Variants in IFT80 observed in about 807,000 individuals in gnomAD.
IFT80 encodes intraflagellar transport protein 80 homolog.
IFT80 carries 79 observed loss-of-function variants against 107.9 expected under a neutral mutation model. That is an observed-to-expected ratio of 0.73 (90% CI 0.61 to 0.88). IFT80 has a LOEUF of 0.88. IFT80 is among the 40% of genes least tolerant of loss of function. IFT80 has a pLI of 0.00. For synonymous variants in IFT80, 299 were observed against 300.9 expected (o/e 0.99, Z 0.07); for missense variants, 797 against 914.2 (o/e 0.87, Z 1.65).
chr3:160,327,955 T>C (rs1718793692), intron 8 of IFT80, among the ~76,000 whole-genome samples: 1 of 152,170 alleles, frequency 6.6e-6, no homozygotes, highest in Non-Finnish European at 1.5e-5. Context: ...AAAGGTCTAA[T>C]ATACAGCATC....
At chr3:160,284,954 T>A (rs1354118636) in intron 13 of IFT80, among the ~76,000 whole-genome samples, 1 of 152,148 alleles carries the variant, frequency 6.6e-6, no homozygotes, top group African/African-American at 2.4e-5. Flanking sequence ...GGCACTACAG[T>A]GATGAATAAT....
chr3:160,263,834 G>A (rs551623328), intron 19 of IFT80, among the ~76,000 whole-genome samples: 3 of 151,918 alleles, frequency 2.0e-5, no homozygotes, highest in Admixed American at 6.6e-5. Context: ...ATGCCACCAC[G>A]CCTGCTAATT....
At chr3:160,393,956 G>A (rs1576913616) in intron 1 of IFT80, among the ~76,000 whole-genome samples, 1 of 152,116 alleles carries the variant, frequency 6.6e-6, no homozygotes, top group East Asian at 1.9e-4. Flanking sequence ...ACTAACCAAG[G>A]TCCTATTAAA....
chr3:160,268,671 T>G, intron 18 of IFT80, 135 bp from the exon 19 acceptor site: 2 of 853,748 alleles, frequency 2.3e-6, no homozygotes, highest in Non-Finnish European at 3.8e-6. Context: ...ATTTTCTACC[T>G]CATCCATCTT....
At chr3:160,292,846 G>A (rs987720035) in intron 12 of IFT80, among the ~76,000 whole-genome samples, 2 of 152,004 alleles carry the variant, frequency 1.3e-5, no homozygotes, top group African/African-American at 4.8e-5. Context: ...CTGACACCAC[G>A]GTCCCAAGAC....
chr3:160,329,746 T>C (rs1718948693), intron 8 of IFT80, among the ~76,000 whole-genome samples: 1 of 152,184 alleles, frequency 6.6e-6, no homozygotes, highest in South Asian at 2.1e-4. Context: ...AATACACAGG[T>C]TTCCCTGTTT....
At chr3:160,268,903 T>C in intron 18 of IFT80, 2 of 259,326 alleles carry the variant, frequency 7.7e-6, no homozygotes, top group South Asian at 9.6e-5. Context: ...TGGTGAGTAA[T>C]ACAGAGTACA....
intron 4 of IFT80, among the ~76,000 whole-genome samples, chr3:160,376,766 A>G (rs557337166): frequency 4.6e-5 from 7 of 152,358 alleles, no homozygotes; most frequent in African/African-American, 1.7e-4. Flanking sequence ...AAGCAACCCT[A>G]TGGAGATGCC....
At chr3:160,290,957 G>T (rs1715508037) in intron 12 of IFT80, among the ~76,000 whole-genome samples, 1 of 152,130 alleles carries the variant, frequency 6.6e-6, no homozygotes, top group Admixed American at 6.5e-5. Flanking sequence ...CTCTATTAAG[G>T]AATGTGAAAC....
intron 5 of IFT80, among the ~76,000 whole-genome samples, chr3:160,374,440 G>GA (rs1189206195): frequency 1.3e-5 from 2 of 151,160 alleles, no homozygotes; most frequent in Non-Finnish European, 3.0e-5. Flanking sequence ...GAAAGAAAAA[G>GA]AAAAAATCTT....
intron 5 of IFT80, among the ~76,000 whole-genome samples, chr3:160,374,411 AAAAAAAG>A (rs1711827130): frequency 6.6e-6 from 1 of 152,144 alleles, no homozygotes; most frequent in Non-Finnish European, 1.5e-5. Flanking sequence ...GTCTAAAAAA[AAAAAAAG>A]AAAAAAGAAA....
At chr3:160,395,892 C>A (rs1292821144) in intron 1 of IFT80, among the ~76,000 whole-genome samples, 1 of 152,092 alleles carries the variant, frequency 6.6e-6, no homozygotes, top group East Asian at 1.9e-4. Flanking sequence ...AGGCTCCTAT[C>A]CTAGATATTA....
intron 12 of IFT80, among the ~76,000 whole-genome samples, chr3:160,293,170 TC>T (rs1715703653): frequency 6.6e-6 from 1 of 152,216 alleles, no homozygotes; most frequent in Non-Finnish European, 1.5e-5. Context: ...TGATATTGTT[TC>T]TTAGCTTAAT....
intron 3 of IFT80, among the ~76,000 whole-genome samples, chr3:160,378,732 T>C (rs1214528938): frequency 6.6e-6 from 1 of 151,670 alleles, no homozygotes; most frequent in Non-Finnish European, 1.5e-5. Context: ...TTAAAAATGA[T>C]AATAATAATA....
intron 1 of IFT80, among the ~76,000 whole-genome samples, chr3:160,391,105 C>G (rs1401124308): frequency 1.3e-5 from 2 of 152,212 alleles, no homozygotes; most frequent in Non-Finnish European, 2.9e-5. Context: ...TCTGGGCACA[C>G]TACCTATGGG....
chr3:160,307,324 T>A (rs978147615), intron 10 of IFT80, among the ~76,000 whole-genome samples: 1 of 152,030 alleles, frequency 6.6e-6, no homozygotes, highest in African/African-American at 2.4e-5. Flanking sequence ...ATTCAAAAAA[T>A]TTTTTGTAGA....
intron 2 of IFT80, chr3:160,383,749 G>A (rs1026275612): frequency 4.1e-6 from 4 of 985,056 alleles, no homozygotes; most frequent in Non-Finnish European, 4.8e-6. Context: ...ACACATAACT[G>A]GGGACTCTTG....
intron 12 of IFT80, among the ~76,000 whole-genome samples, chr3:160,293,872 A>C (rs1715764728): frequency 6.6e-6 from 1 of 152,184 alleles, no homozygotes. Flanking sequence ...TAATCATGTA[A>C]TCAAACCCCA....
chr3:160,291,742 T>C (rs1230569493), intron 12 of IFT80, among the ~76,000 whole-genome samples: 1 of 152,200 alleles, frequency 6.6e-6, no homozygotes, highest in African/African-American at 2.4e-5. Flanking sequence ...GGCATGCCCA[T>C]ATAGGGTACA....
Sources: allele counts gnomAD v4.1 joint callset (sites outside exome capture counted in the v4.1 genomes callset), GRCh38; gene constraint gnomAD v4.1.1; transcripts MANE v1.5; gene names NCBI Gene and HGNC (gene_info 2026-07-23, HGNC 2026-07-21).